WWOX: variants seen among roughly 807,000 people sequenced by gnomAD.
WWOX encodes the protein WW domain-containing oxidoreductase.
In WWOX, 69 loss-of-function variants were observed where a neutral mutation model predicts 46.2. That is an observed-to-expected ratio of 1.49 (90% CI 1.23 to 1.82). The LOEUF (loss-of-function observed/expected upper bound fraction) is 1.82. WWOX is among the 40% of genes most tolerant of loss of function. The probability of loss-of-function intolerance (pLI) is 0.00; values close to 1 mark genes in which losing one functional copy is unlikely to be tolerated. For missense variants in WWOX, 919 were observed against 542.6 expected, an observed-to-expected ratio of 1.69 and a Z score of -6.89; for synonymous variants, 359 against 202.6, an observed-to-expected ratio of 1.77 and a Z score of -6.56.
intron 8 of WWOX, among the ~76,000 whole-genome samples, chr16:79,033,166 A>C (rs183761597): frequency 5.5e-5 from 8 of 146,516 alleles, no homozygotes; most frequent in Admixed American, 4.1e-4. Flanking sequence ...TATATATATA[A>C]AATATATATT....
At chr16:78,594,763 A>C (rs943237669) in intron 8 of WWOX, among the ~76,000 whole-genome samples, 11 of 151,958 alleles carry the variant, frequency 7.2e-5, no homozygotes, top group Non-Finnish European at 5.9e-5. Flanking sequence ...TTAAGTTTTT[A>C]TTTATTTTAT....
chr16:79,044,207 A>G (rs966588929), intron 8 of WWOX, among the ~76,000 whole-genome samples: 3 of 152,200 alleles, frequency 2.0e-5, no homozygotes, highest in African/African-American at 7.2e-5. Context: ...TAGGCATTCA[A>G]CAAACGCTCT....
intron 4 of WWOX, among the ~76,000 whole-genome samples, chr16:78,130,631 T>G (rs1244105183): frequency 6.6e-6 from 1 of 152,246 alleles, no homozygotes; most frequent in African/African-American, 2.4e-5. Flanking sequence ...CCTGCCTGCT[T>G]CCTGTAGAGG....
chr16:78,659,305 T>C (rs1272850135), intron 8 of WWOX, among the ~76,000 whole-genome samples: 1 of 152,058 alleles, frequency 6.6e-6, no homozygotes, highest in Non-Finnish European at 1.5e-5. Flanking sequence ...GTTTTTTCAG[T>C]TGCACAGCCT....
intron 8 of WWOX, among the ~76,000 whole-genome samples, chr16:78,854,642 G>A (rs1378062310): frequency 6.6e-6 from 1 of 152,096 alleles, no homozygotes; most frequent in African/African-American, 2.4e-5. Flanking sequence ...GTGCAGTGGC[G>A]CGATCTCAGC....
At chr16:78,320,299 A>G (rs1201264696) in intron 5 of WWOX, among the ~76,000 whole-genome samples, 1 of 152,162 alleles carries the variant, frequency 6.6e-6, no homozygotes, top group Non-Finnish European at 1.5e-5. Flanking sequence ...TTTACTCAAC[A>G]GACTTTTGTT....
intron 8 of WWOX, among the ~76,000 whole-genome samples, chr16:78,931,978 T>C (rs9927730): frequency 0.054 from 8,236 of 152,314 alleles, 777 homozygotes; most frequent in African/African-American, 0.19. Context: ...ACAAACTCTC[T>C]TGCCTGCTGC....
intron 8 of WWOX, among the ~76,000 whole-genome samples, chr16:78,563,099 G>C (rs1336746763): frequency 6.6e-6 from 1 of 151,952 alleles, no homozygotes; most frequent in Non-Finnish European, 1.5e-5. Context: ...AATCAGGTTT[G>C]AAAGTTGTCT....
intron 8 of WWOX, among the ~76,000 whole-genome samples, chr16:78,808,880 G>A (rs2051112318): frequency 6.6e-6 from 1 of 152,142 alleles, no homozygotes. Flanking sequence ...ATATAGTTGT[G>A]TGGCTTGGTG....
chr16:78,601,881 G>T, intron 8 of WWOX, among the ~76,000 whole-genome samples: 1 of 152,142 alleles, frequency 6.6e-6, no homozygotes, highest in East Asian at 1.9e-4. Context: ...CCTGTTTTAA[G>T]TGCCGAGCTG....
intron 5 of WWOX, among the ~76,000 whole-genome samples, chr16:78,247,151 A>G (rs1199985914): frequency 6.6e-6 from 1 of 151,388 alleles, no homozygotes; most frequent in African/African-American, 2.4e-5. Flanking sequence ...TTCAGAGAAT[A>G]TTTGTTGAGT....
chr16:78,630,782 C>T (rs2046409849), intron 8 of WWOX, among the ~76,000 whole-genome samples: 1 of 152,164 alleles, frequency 6.6e-6, no homozygotes, highest in African/African-American at 2.4e-5. Flanking sequence ...CAGTGCCTGA[C>T]ACAGTTGTAT....
At chr16:78,143,175 T>A (rs2034045762) in intron 4 of WWOX, among the ~76,000 whole-genome samples, 1 of 152,214 alleles carries the variant, frequency 6.6e-6, no homozygotes, top group African/African-American at 2.4e-5. Context: ...TTAGAAAATT[T>A]GTTTTATATT....
At chr16:78,755,834 G>C (rs1423809972) in intron 8 of WWOX, among the ~76,000 whole-genome samples, 1 of 152,190 alleles carries the variant, frequency 6.6e-6, no homozygotes, top group Admixed American at 6.5e-5. Context: ...GGGTCTACAA[G>C]TAACCACCCC....
intron 6 of WWOX, among the ~76,000 whole-genome samples, chr16:78,410,879 A>G (rs2082665101): frequency 6.6e-6 from 1 of 151,854 alleles, no homozygotes; most frequent in Non-Finnish European, 1.5e-5. Context: ...AGGACCTAAC[A>G]TCATGCATGG....
intron 8 of WWOX, among the ~76,000 whole-genome samples, chr16:79,094,511 CA>C (rs2049030113): frequency 6.6e-6 from 1 of 152,178 alleles, no homozygotes; most frequent in Non-Finnish European, 1.5e-5. Flanking sequence ...CTCGGCCTCC[CA>C]AAGTGCTGGG....
At chr16:78,648,119 G>A (rs941481333) in intron 8 of WWOX, among the ~76,000 whole-genome samples, 10 of 152,200 alleles carry the variant, frequency 6.6e-5, no homozygotes, top group African/African-American at 1.7e-4. Flanking sequence ...CAGTCAGACA[G>A]GAATTATGTT....
chr16:78,864,754 CTTTTTTTTTTTTTT>C (rs57606576), intron 8 of WWOX, among the ~76,000 whole-genome samples: 933 of 87,204 alleles, frequency 0.011, 13 homozygotes, highest in African/African-American at 0.039. Flanking sequence ...TCTCCAACTC[CTTTTTTTTTTTTTT>C]TTTTTTTTTT....
At chr16:78,990,578 T>G (rs1156495027) in intron 8 of WWOX, among the ~76,000 whole-genome samples, 1 of 152,102 alleles carries the variant, frequency 6.6e-6, no homozygotes, top group South Asian at 2.1e-4. Context: ...AGCCCCAGGG[T>G]AATTCCATCA....
Sources: gnomAD v4.1 joint callset for allele counts (sites outside exome capture counted in the v4.1 genomes callset) on GRCh38, gnomAD v4.1.1 for gene constraint, MANE v1.5 for transcripts, NCBI Gene and HGNC (gene_info 2026-07-23, HGNC 2026-07-21) for gene names.